Variants in RBFOX1 observed in about 807,000 individuals in gnomAD.
The protein encoded by RBFOX1 is RNA binding fox-1 homolog 1, also known as RNA binding protein fox-1 homolog 1.
A neutral mutation model predicts 57.7 loss-of-function variants in RBFOX1; 8 were observed. The observed-to-expected ratio is 0.14, with a 90% CI of 0.08 to 0.25. The LOEUF (loss-of-function observed/expected upper bound fraction) is 0.25, where lower values mean the gene tolerates loss of function less well. Ranked by LOEUF, RBFOX1 falls within the 10% of genes least tolerant of loss-of-function variation. The pLI, the probability that RBFOX1 is intolerant of heterozygous loss-of-function variation, is 1.00. For missense variants in RBFOX1, 611 were observed against 548.5 expected, an observed-to-expected ratio of 1.11 and a Z score of -1.14; for synonymous variants, 326 against 222.4, an observed-to-expected ratio of 1.47 and a Z score of -4.15.
chr16:7,703,279 C>T (rs2081362011), intron 14 of RBFOX1, among the ~76,000 whole-genome samples: 2 of 152,158 alleles, frequency 1.3e-5, no homozygotes, highest in Non-Finnish European at 2.9e-5. Context: ...GGTGAGACAT[C>T]CCATTTTGAA....
intron 4 of RBFOX1, among the ~76,000 whole-genome samples, chr16:7,503,027 AAAAT>A (rs1339538980): frequency 1.3e-5 from 2 of 152,102 alleles, no homozygotes; most frequent in Non-Finnish European, 2.9e-5. Flanking sequence ...TGTCTCAAAA[AAAAT>A]AAATAAATTA....
In RBFOX1 at chr16:7,587,472, A is replaced by G. The variant is rs568659895; in HGVS notation, c.468+172A>G. ...AAATGGTGGGAAAGACATCGGGTTC[A>G]GTTTAAAATGTATAAGGGGATAATT... On this transcript the variant is annotated intron_variant, in intron 7 of 15. Transcript: ENST00000550418. 1.6e-4 allele frequency among the ~76,000 whole-genome samples: 24 copies of G among 152,362 alleles called. 1 individual carries two copies. In the South Asian group the frequency reaches 4.6e-3, roughly 29 times the overall value.
chr16:5,929,034 A>T (rs1349504609), intron 4 of RBFOX1, among the ~76,000 whole-genome samples: 3 of 59,092 alleles, frequency 5.1e-5, no homozygotes, highest in African/African-American at 2.3e-4. Flanking sequence ...TTTCCAATTT[A>T]AAAAAAAAAA....
At chr16:7,689,472 CT>C (rs1266529471) in intron 14 of RBFOX1, among the ~76,000 whole-genome samples, 1 of 152,122 alleles carries the variant, frequency 6.6e-6, no homozygotes, top group Non-Finnish European at 1.5e-5. Flanking sequence ...AAATGAGTGC[CT>C]GTGGAGCTGA....
chr16:6,888,658 C>A (rs960531476), intron 3 of RBFOX1, among the ~76,000 whole-genome samples: 1 of 152,096 alleles, frequency 6.6e-6, no homozygotes, highest in Non-Finnish European at 1.5e-5. Context: ...TATACTATTT[C>A]TGACCCAGAT....
chr16:7,037,340 C>G, intron 3 of RBFOX1, among the ~76,000 whole-genome samples: 1 of 141,190 alleles, frequency 7.1e-6, no homozygotes, highest in East Asian at 2.3e-4. Flanking sequence ...TTCCCAGGTT[C>G]AAGAGCTTCT....
intron 14 of RBFOX1, among the ~76,000 whole-genome samples, chr16:7,694,907 G>C (rs187091299): frequency 6.6e-6 from 1 of 152,138 alleles, no homozygotes; most frequent in African/African-American, 2.4e-5. Flanking sequence ...GTTAACCCCT[G>C]TGCATGTTCC....
intron 3 of RBFOX1, among the ~76,000 whole-genome samples, chr16:7,025,973 T>C (rs529099832): frequency 2.0e-5 from 3 of 152,258 alleles, no homozygotes; most frequent in African/African-American, 7.2e-5. Flanking sequence ...AATGGGCTGG[T>C]GCAGGTATCT....
chr16:5,752,079 C>T (rs2053228245), intron 3 of RBFOX1, among the ~76,000 whole-genome samples: 1 of 152,110 alleles, frequency 6.6e-6, no homozygotes, highest in South Asian at 2.1e-4. Flanking sequence ...CCATGCAATA[C>T]TATCCAGCCA....
chr16:6,016,663 A>G (rs2152343294), upstream of RBFOX1, among the ~76,000 whole-genome samples: 1 of 152,322 alleles, frequency 6.6e-6, no homozygotes, highest in East Asian at 1.9e-4. Context: ...CACAAATTGG[A>G]AAGTATTTTT....
intron 3 of RBFOX1, among the ~76,000 whole-genome samples, chr16:6,783,033 C>T (rs900190764): frequency 2.0e-5 from 3 of 151,832 alleles, no homozygotes; most frequent in African/African-American, 7.3e-5. Flanking sequence ...TATATTTTAT[C>T]TGGTATAAGT....
intron 2 of RBFOX1, among the ~76,000 whole-genome samples, chr16:6,460,458 A>C (rs937709150): frequency 9.6e-6 from 1 of 104,594 alleles, no homozygotes; most frequent in Non-Finnish European, 2.0e-5. Flanking sequence ...GACACTTCTC[A>C]AAAAAAAAAC....
At chr16:5,353,119 A>G (rs191341457) in intron 1 of RBFOX1, among the ~76,000 whole-genome samples, 1 of 152,274 alleles carries the variant, frequency 6.6e-6, no homozygotes, top group East Asian at 1.9e-4. Context: ...CACGCCTGTA[A>G]TCCCAGCACT....
chr16:7,696,480 A>C (rs951504192), intron 14 of RBFOX1, among the ~76,000 whole-genome samples: 1 of 152,066 alleles, frequency 6.6e-6, no homozygotes, highest in Admixed American at 6.5e-5. Context: ...TAGTAGTTGC[A>C]GAAGAAGGGT....
chr16:7,607,161 C>T (rs1194969965), intron 9 of RBFOX1, 124 bp from the exon 10 acceptor site: 2 of 792,914 alleles, frequency 2.5e-6, no homozygotes, highest in Non-Finnish European at 3.9e-6. Context: ...GCCCAAACGA[C>T]ACCTCCTTTA....
At chr16:6,647,424 A>G (rs912617962) in intron 2 of RBFOX1, among the ~76,000 whole-genome samples, 36 of 151,960 alleles carry the variant, frequency 2.4e-4, no homozygotes, top group African/African-American at 8.0e-4. Context: ...TTTCTATTAT[A>G]TTGAAATCCA....
intron 1 of RBFOX1, among the ~76,000 whole-genome samples, chr16:6,072,903 C>G (rs956474266): frequency 2.6e-5 from 4 of 152,142 alleles, no homozygotes; most frequent in Admixed American, 2.6e-4. Context: ...GATGGTTTCA[C>G]AGGCCTATGC....
At chr16:6,283,780 G>T (rs1237645451) in intron 1 of RBFOX1, among the ~76,000 whole-genome samples, 2 of 152,268 alleles carry the variant, frequency 1.3e-5, no homozygotes, top group African/African-American at 4.8e-5. Context: ...ATTAGAAATT[G>T]TATATCTGGG....
At chr16:5,313,059 C>G (rs1309075145) in intron 1 of RBFOX1, among the ~76,000 whole-genome samples, 1 of 152,112 alleles carries the variant, frequency 6.6e-6, no homozygotes, top group East Asian at 1.9e-4. Context: ...GTGCCATGTG[C>G]TGTCCTGGGC....
Sources: allele counts gnomAD v4.1 joint callset (sites outside exome capture counted in the v4.1 genomes callset), GRCh38; gene constraint gnomAD v4.1.1; transcripts MANE v1.5; gene names NCBI Gene and HGNC (gene_info 2026-07-23, HGNC 2026-07-21).